Variants in CD209 observed in about 807,000 individuals in gnomAD.
CD209 encodes the protein CD209 molecule.
A neutral mutation model predicts 44.7 loss-of-function variants in CD209; 31 were observed. The ratio of observed to expected loss-of-function variants is 0.69; its 90% confidence interval spans 0.52 to 0.94. The LOEUF (loss-of-function observed/expected upper bound fraction) is 0.94. Among genes scored for constraint, CD209 ranks in the 40% least tolerant of loss-of-function variants. CD209 has a pLI of 0.00. For missense variants in CD209, 407 were observed against 452.4 expected, an observed-to-expected ratio of 0.90 and a Z score of 0.91; for synonymous variants, 173 against 181.3, an observed-to-expected ratio of 0.95 and a Z score of 0.37.
Position 7,747,515 on chromosome 19 carries a change from A to T in CD209, c.-4T>A. On this transcript the variant is annotated 5_prime_UTR_variant, in exon 1 of 7. Coordinates refer to ENST00000315599, the MANE Select transcript of CD209 (RefSeq NM_021155.4). ...TTGGTTCCTTGGAGTCACTCATGTCACCCCACTCTCCCCCAGTGTCCAGAA... is the reference window on the plus strand; with the variant it reads ...TTGGTTCCTTGGAGTCACTCATGTCTCCCCACTCTCCCCCAGTGTCCAGAA... 2 of 1,613,306 alleles carry T rather than the reference A, an allele frequency of 1.2e-6. No homozygotes were observed. The highest frequency in any genetic ancestry group is 1.7e-6 in the Non-Finnish European group (2 of 1,179,900).
chr19:7,742,863 G>A lies in CD209; in HGVS notation c.*176C>T, dbSNP rs143192119. The A allele has an allele frequency of 1.1e-3, 690 of 614,060 alleles. 2 individuals carry two copies. In the African/African-American group the frequency reaches 0.012, roughly 11 times the overall value. The allele number at this position is 614,060 out of a possible 1,614,324, so 38.0% of individuals were successfully genotyped here. A position where few individuals can be genotyped will look rare whatever the true frequency, so the allele number is the denominator to read the frequency against. On this transcript the variant is annotated 3_prime_UTR_variant, in exon 7 of 7. Coordinates refer to ENST00000315599, the MANE Select transcript of CD209 (RefSeq NM_021155.4). The stretch of plus-strand genomic sequence containing the variant: ...CACCAGCTCACTCATAAAGCTCCAA[G>A]GATGGGCCAGAAAAACAAGCTCTAC...
chr19:7,744,903 A>G (rs1212427963), intron 5 of CD209, 38 bp downstream of exon 5: 1 of 1,610,108 alleles, frequency 6.2e-7, no homozygotes, highest in East Asian at 2.2e-5. Flanking sequence ...GCCAGAAGCC[A>G]TGCCCTAGGC....
Position 7,746,577 on chromosome 19 carries a change from C to G in CD209, c.107-46G>C, listed in dbSNP as rs573104311. On this transcript the variant is annotated intron_variant, in intron 2 of 6. Transcript: ENST00000315599. ...CAGCCTGCCAGTGTCCCCACCGGAG[C>G]CTGGCCCAGGGAGAGCCTGGTCTAA... 1.2e-5 allele frequency: 19 copies of G among 1,589,864 alleles called. No homozygotes were observed. In the East Asian group the frequency reaches 4.0e-4, roughly 34 times the overall value.
rs111714467 is a variant in CD209, at chr19:7,745,605, G to A, written c.661C>T (p.Arg221Trp). 1.3e-4 allele frequency: 83 copies of A among 629,852 alleles called. 1 individual carries two copies. Among genetic ancestry groups the A allele is most frequent in the African/African-American group, 9.5e-4 (50 of 52,644 alleles). 39.0% of individuals were successfully genotyped at this position (629,852 alleles called of 1,614,324 possible). A position where few individuals can be genotyped will look rare whatever the true frequency, so the allele number is the denominator to read the frequency against. ...AGCTCACCCACTGCAGCCTTCAGCC[G>A]GGTCAGCTCCTGGTAGATCTCCTGC... ...KQQEIYQELT[R>W]LKAAVGELPE... The change falls in exon 4 of 7, where the codon CGG becomes TGG. Residue 221 changes from arginine (R) to tryptophan (W), a missense_variant. By Grantham distance (101) the Arg-to-Trp change is moderately radical (BLOSUM62 -3). This residue lies in a region of CD209 where 85 missense variants were observed against 139.9 expected (regional missense o/e 0.61). Transcript: ENST00000315599.
chr19:7,745,219 C>T, intron 4 of CD209, 127 bp from the exon 5 acceptor site: 3 of 1,299,532 alleles, frequency 2.3e-6, no homozygotes, highest in Non-Finnish European at 2.1e-6. Flanking sequence ...GACCATTCCC[C>T]TCCCCACTTC....
intron 2 of CD209, 95 bp from the exon 3 acceptor site, chr19:7,746,626 G>C: frequency 3.1e-6 from 4 of 1,287,922 alleles, no homozygotes; most frequent in Non-Finnish European, 4.5e-6. Flanking sequence ...CCAGGACCCA[G>C]GAACCCCAGC....
chr19:7,742,914 A>G lies in CD209; in HGVS notation c.*125T>C. On this transcript the variant is annotated 3_prime_UTR_variant, in exon 7 of 7. Transcript: ENST00000315599. ...ACCAGGGGAAATTGGAGGCATGACA[A>G]GAAGGACAGAATGGGACCCAGCCTT... 1 of 804,422 alleles carries G rather than the reference A, an allele frequency of 1.2e-6. No individual in the cohort carries two copies. Among genetic ancestry groups the G allele is most frequent in the South Asian group, 1.6e-5 (1 of 60,894 alleles). The allele number at this position is 804,422 out of a possible 1,614,324, so 49.8% of individuals were successfully genotyped here.
chr19:7,746,046 G>T lies in CD209; in HGVS notation c.220C>A (p.Gln74Lys). The T allele has an allele frequency of 6.2e-7, 1 of 1,614,242 alleles. No individual in the cohort carries two copies. The highest frequency in any genetic ancestry group is 8.5e-7 in the Non-Finnish European group (1 of 1,180,054). The change falls in exon 4 of 7, where the codon CAA (glutamine) becomes AAA (lysine). Residue 74 changes from glutamine (Q) to lysine (K), a missense_variant. Transcript: ENST00000315599. The part of the protein sequence containing the change: ...PSSISQEQSR[Q>K]DAIYQNLTQL... The stretch of plus-strand genomic sequence containing the variant: ...GTCAGGTTCTGGTAGATCGCGTCTT[G>T]CCTGGATTGTTCCTGACTTATGGAG...
chr19:7,746,806 C>G (rs529495430), intron 2 of CD209, among the ~76,000 whole-genome samples: 1 of 149,956 alleles, frequency 6.7e-6, no homozygotes, highest in South Asian at 2.1e-4. Context: ...ATTCCCAGGT[C>G]CCTGGAACCC....
chr19:7,747,199 C>T, intron 2 of CD209, 107 bp downstream of exon 2: 5 of 1,162,648 alleles, frequency 4.3e-6, no homozygotes, highest in Non-Finnish European at 5.1e-6. Context: ...GGCCCCTAGC[C>T]CCACATCCCC....
chr19:7,740,450 C>A lies in CD209; in HGVS notation c.*2589G>T. Reference sequence around the variant, plus strand: ...TACAACTAGAGGGGCGGGGCGGTGCCGGCAAGATGGCTGCGCCCGAAAAGG... The same window carrying A: ...TACAACTAGAGGGGCGGGGCGGTGCAGGCAAGATGGCTGCGCCCGAAAAGG... On this transcript the variant is annotated 3_prime_UTR_variant, in exon 7 of 7. Coordinates refer to ENST00000315599, the MANE Select transcript of CD209 (RefSeq NM_021155.4). The A allele has an allele frequency of 1.3e-6, 1 of 748,088 alleles. No individual in the cohort carries two copies. Among genetic ancestry groups the A allele is most frequent in the Non-Finnish European group, 2.4e-6 (1 of 414,732 alleles). The allele number at this position is 748,088 out of a possible 1,614,324, so 46.3% of individuals were successfully genotyped here. A position where few individuals can be genotyped will look rare whatever the true frequency, so the allele number is the denominator to read the frequency against.
At chr19:7,743,331 G>T in intron 6 of CD209, 91 bp from the exon 7 acceptor site, 1 of 1,105,384 alleles carries the variant, frequency 9.0e-7, no homozygotes, top group Non-Finnish European at 1.4e-6. Context: ...CTTAACATCT[G>T]CCCTGCGTGT....
chr19:7,744,354 G>C, intron 5 of CD209, 135 bp from the exon 6 acceptor site: 1 of 655,822 alleles, frequency 1.5e-6, no homozygotes, highest in Admixed American at 2.6e-5. Flanking sequence ...GAGCCCCCTC[G>C]TGTCTGAGTC....
Position 7,740,535 on chromosome 19 carries a change from C to T in CD209, c.*2504G>A, listed in dbSNP as rs878960476. On this transcript the variant is annotated 3_prime_UTR_variant, in exon 7 of 7. Coordinates refer to ENST00000315599, the MANE Select transcript of CD209 (RefSeq NM_021155.4). ...CAGGGCCGCCCTGAAGAAGGAGAAA[C>T]GAAAGAAACGCCAGCAGGAACTTGC... 5.3e-6 allele frequency: 6 copies of T among 1,141,814 alleles called. No individual in the cohort carries two copies. Among genetic ancestry groups the T allele is most frequent in the South Asian group, 3.7e-5 (3 of 81,486 alleles). The allele number at this position is 1,141,814 out of a possible 1,614,324, so 70.7% of individuals were successfully genotyped here. A position where few individuals can be genotyped will look rare whatever the true frequency, so the allele number is the denominator to read the frequency against.
chr19:7,745,942 C>T lies in CD209; in HGVS notation c.324G>A (p.Lys108=). The change falls in exon 4 of 7, where the codon AAG becomes AAA. Residue 108 remains lysine, a synonymous_variant. Coordinates refer to ENST00000315599, the MANE Select transcript of CD209 (RefSeq NM_021155.4). Reference sequence around the variant, plus strand: ...TCTCTGGAAGCTCACCCACTGCAGCCTTCAGCTGGGTCAGCTCCTGGTAGA... The same window carrying T: ...TCTCTGGAAGCTCACCCACTGCAGCTTTCAGCTGGGTCAGCTCCTGGTAGA... ...QEIYQELTQL[K]AAVGELPEKS... is the part of the protein sequence containing the mutation. 3 of 1,614,116 alleles carry T rather than the reference C, an allele frequency of 1.9e-6. No individual in the cohort carries two copies. The highest frequency in any genetic ancestry group is 2.5e-6 in the Non-Finnish European group (3 of 1,180,002).
At position 7,741,074 on chromosome 19, in the gene CD209, G is replaced by C; in HGVS notation, c.*1965C>G. On this transcript the variant is annotated 3_prime_UTR_variant, in exon 7 of 7. Coordinates refer to ENST00000315599, the MANE Select transcript of CD209 (RefSeq NM_021155.4). The stretch of plus-strand genomic sequence containing the variant: ...TTTACAGTGTTTGGAAAGGAGCAGT[G>C]CAGGAGGGATGACTATGACTCCGAA... 1 of 851,482 alleles carries C rather than the reference G, an allele frequency of 1.2e-6. No homozygotes were observed. The highest frequency in any genetic ancestry group is 1.4e-5 in the South Asian group (1 of 72,974). 52.7% of individuals were successfully genotyped at this position (851,482 alleles called of 1,614,324 possible). A position where few individuals can be genotyped will look rare whatever the true frequency, so the allele number is the denominator to read the frequency against.
chr19:7,740,999 G>A lies in CD209; in HGVS notation c.*2040C>T, dbSNP rs2033592796. Reference sequence around the variant, plus strand: ...GGAGCTTGCAGATTTGGAGATAGATGTTCACATGATTTCCCAACATCCAGT... The same window carrying A: ...GGAGCTTGCAGATTTGGAGATAGATATTCACATGATTTCCCAACATCCAGT... On this transcript the variant is annotated 3_prime_UTR_variant, in exon 7 of 7. Coordinates refer to ENST00000315599, the MANE Select transcript of CD209 (RefSeq NM_021155.4). 2.8e-6 allele frequency: 2 copies of A among 714,284 alleles called. No individual in the cohort carries two copies. Among genetic ancestry groups the A allele is most frequent in the Non-Finnish European group, 5.0e-6 (2 of 396,914 alleles). The allele number at this position is 714,284 out of a possible 1,614,324, so 44.2% of individuals were successfully genotyped here.
Position 7,740,817 on chromosome 19 carries a change from C to T in CD209, c.*2222G>A, listed in dbSNP as rs2146310425. ...AGAGAGAGAGGAGGAGGAACAGAAA[C>T]GACAGAAGAAACAAAAACCGGAAGC... is the stretch of plus-strand genomic sequence containing the variant. On this transcript the variant is annotated 3_prime_UTR_variant, in exon 7 of 7. Coordinates refer to ENST00000315599, the MANE Select transcript of CD209 (RefSeq NM_021155.4). The T allele has an allele frequency of 1.3e-6, 1 of 757,298 alleles. No homozygotes were observed. The highest frequency in any genetic ancestry group is 2.5e-5 in the East Asian group (1 of 40,778). The allele number at this position is 757,298 out of a possible 1,614,324, so 46.9% of individuals were successfully genotyped here.
rs1240242246 is a variant in CD209, at chr19:7,741,501, T to C, written c.*1538A>G. ...GCAAGACCCCATCTTTAAAAAAAAA[T>C]AGTAATTAAAAAATAACGTGGGGAG... On this transcript the variant is annotated 3_prime_UTR_variant, in exon 7 of 7. Transcript: ENST00000315599. The C allele has an allele frequency of 1.1e-5, 6 of 550,382 alleles. No individual in the cohort carries two copies. Among genetic ancestry groups the C allele is most frequent in the Non-Finnish European group, 2.1e-5 (6 of 281,288 alleles). The allele number at this position is 550,382 out of a possible 1,614,324, so 34.1% of individuals were successfully genotyped here. A position where few individuals can be genotyped will look rare whatever the true frequency, so the allele number is the denominator to read the frequency against.
Sources: gnomAD v4.1 joint callset for allele counts (sites outside exome capture counted in the v4.1 genomes callset) on GRCh38, gnomAD v4.1.1 for gene constraint, gnomAD v4.1.1 regional missense constraint, MANE v1.5 for transcripts, NCBI Gene and HGNC (gene_info 2026-07-23, HGNC 2026-07-21) for gene names.